Variants in TMEM116 observed in about 807,000 individuals in gnomAD.
TMEM116 encodes transmembrane protein 116.
TMEM116 carries 38 observed loss-of-function variants against 44.3 expected under a neutral mutation model. The observed-to-expected ratio is 0.86, with a 90% CI of 0.66 to 1.12. The LOEUF is 1.12. Ranked by LOEUF, TMEM116 falls within the 50% of genes most tolerant of loss-of-function variation. TMEM116 has a pLI of 0.00. For missense variants in TMEM116, 354 were observed against 401.7 expected, an observed-to-expected ratio of 0.88 and a Z score of 1.01; for synonymous variants, 132 against 144.8, an observed-to-expected ratio of 0.91 and a Z score of 0.64.
intron 4 of TMEM116, among the ~76,000 whole-genome samples, chr12:111,972,613 T>C (rs2075411751): frequency 6.6e-6 from 1 of 152,042 alleles, no homozygotes; most frequent in South Asian, 2.1e-4. Context: ...GTGTGGTGGC[T>C]CATGCCTATA....
At chr12:111,957,586 CCCCCGCCCGGCCAGCCG>C (rs1209318054) in intron 4 of TMEM116, among the ~76,000 whole-genome samples, 1 of 151,040 alleles carries the variant, frequency 6.6e-6, no homozygotes, top group Non-Finnish European at 1.5e-5. Flanking sequence ...TGGGGGCCAG[CCCCCGCCCGGCCAGCCG>C]CCCCGTCCGG....
chr12:112,003,623 T>A (rs1021221924), intron 3 of TMEM116, 177 bp downstream of exon 3: 11 of 706,732 alleles, frequency 1.6e-5, no homozygotes, highest in Admixed American at 4.2e-5. Context: ...GCTAAAATAA[T>A]TACCTAGAAG....
In TMEM116 at chr12:111,931,474, A is replaced by G. The variant is rs2071635164; in HGVS notation, c.*147T>C. 1.4e-6 allele frequency: 1 copy of G among 705,784 alleles called. No individual in the cohort carries two copies. The highest frequency in any genetic ancestry group is 2.4e-6 in the Non-Finnish European group (1 of 423,802). The allele number at this position is 705,784 out of a possible 1,614,324, so 43.7% of individuals were successfully genotyped here. A position where few individuals can be genotyped will look rare whatever the true frequency, so the allele number is the denominator to read the frequency against. On this transcript the variant is annotated 3_prime_UTR_variant, in exon 11 of 11. Transcript: ENST00000552374. ...GAGAGATACTCCCAATTCATCTAGAATGACTACTAACAATGGCACTATATT... is the reference window on the plus strand; with the variant it reads ...GAGAGATACTCCCAATTCATCTAGAGTGACTACTAACAATGGCACTATATT...
In TMEM116 at chr12:111,969,876, G is replaced by C. The variant is rs184419709; in HGVS notation, c.210+21882C>G. Among the ~76,000 whole-genome samples the C allele has an allele frequency of 3.9e-5, 6 of 152,244 alleles. No homozygotes were observed. In the East Asian group the frequency reaches 1.2e-3, roughly 29 times the overall value. On this transcript the variant is annotated intron_variant, in intron 4 of 10. Transcript: ENST00000552374. ...ATTACAGGTGTGAGCCACTGCGCCT[G>C]GCCTGAGATTTTTTTTAAATCTCTA...
chr12:111,968,283 T>G (rs2075099366), intron 4 of TMEM116, among the ~76,000 whole-genome samples: 1 of 151,294 alleles, frequency 6.6e-6, no homozygotes, highest in Admixed American at 6.6e-5. Context: ...TTCAACAAGG[T>G]ATATGGGGTA....
chr12:111,960,887 G>C (rs572356813), intron 4 of TMEM116, among the ~76,000 whole-genome samples: 12 of 152,150 alleles, frequency 7.9e-5, no homozygotes, highest in Non-Finnish European at 1.3e-4. Context: ...ATGAATCCAG[G>C]ACCTGATTTT....
chr12:111,945,860 C>T (rs1490211838), intron 4 of TMEM116, among the ~76,000 whole-genome samples: 1 of 151,996 alleles, frequency 6.6e-6, no homozygotes, highest in East Asian at 1.9e-4. Flanking sequence ...CTTTATGTAC[C>T]CATACACCCA....
chr12:111,943,982 T>G (rs1243482630), intron 4 of TMEM116, among the ~76,000 whole-genome samples: 1 of 152,210 alleles, frequency 6.6e-6, no homozygotes, highest in Non-Finnish European at 1.5e-5. Flanking sequence ...AATCTTTTTC[T>G]ATTTTATTTT....
rs144970494 is a variant in TMEM116, at chr12:111,963,764, A to G, written c.211-20395T>C. Among the ~76,000 whole-genome samples the G allele has an allele frequency of 1.0e-3, 155 of 152,296 alleles. 1 individual carries two copies. Among genetic ancestry groups the G allele is most frequent in the African/African-American group, 3.5e-3 (147 of 41,554 alleles). ...AAACCACCATGGCACATGTATACCT[A>G]TGTAACAAACCTGCACGTCCTGCAC... is the stretch of plus-strand genomic sequence containing the variant. On this transcript the variant is annotated intron_variant, in intron 4 of 10. Coordinates refer to ENST00000552374, the MANE Select transcript of TMEM116 (RefSeq NM_001193531.2).
At position 111,991,258 on chromosome 12, in the gene TMEM116, C is replaced by T. The variant is rs1593580382; in HGVS notation, c.210+500G>A. ...AAAAAAACGGCTGGGTGCGGTGGCT[C>T]ATGCCTGTAATCCTAGCACTTTGAG... On this transcript the variant is annotated intron_variant, in intron 4 of 10. Coordinates refer to ENST00000552374, the MANE Select transcript of TMEM116 (RefSeq NM_001193531.2). Among the ~76,000 whole-genome samples the T allele has an allele frequency of 2.7e-5, 4 of 146,384 alleles. No homozygotes were observed. The South Asian group carries it at 8.6e-4, about 32-fold the overall frequency.
chr12:111,977,610 A>C (rs539102881), intron 4 of TMEM116, among the ~76,000 whole-genome samples: 2 of 152,306 alleles, frequency 1.3e-5, no homozygotes, highest in South Asian at 4.1e-4. Context: ...ATTCGGATCT[A>C]CATAAAGAAA....
chr12:111,951,069 A>AT (rs1401398355), intron 4 of TMEM116, among the ~76,000 whole-genome samples: 1 of 152,268 alleles, frequency 6.6e-6, no homozygotes, highest in East Asian at 1.9e-4. Context: ...CAACAAGCAT[A>AT]TGAAAAAAAG....
chr12:111,989,242 A>T lies in TMEM116; in HGVS notation c.210+2516T>A, dbSNP rs573700659. 2.6e-5 allele frequency among the ~76,000 whole-genome samples: 4 copies of T among 152,318 alleles called. No individual in the cohort carries two copies. The South Asian group carries it at 8.3e-4, about 32-fold the overall frequency. On this transcript the variant is annotated intron_variant, in intron 4 of 10. Coordinates refer to ENST00000552374, the MANE Select transcript of TMEM116 (RefSeq NM_001193531.2). ...TTCTCTTAGTTTTGCTCAAGCATGT[A>T]CCTCAGTCATGATGCTGCTCAATGA...
chr12:111,932,730 G>T, intron 9 of TMEM116, 71 bp from the exon 10 acceptor site: 1 of 1,179,940 alleles, frequency 8.5e-7, no homozygotes, highest in Non-Finnish European at 1.3e-6. Context: ...CTCCACACAC[G>T]TCTGAGCATT....
At chr12:111,986,241 C>T (rs530932776) in intron 4 of TMEM116, among the ~76,000 whole-genome samples, 1 of 152,098 alleles carries the variant, frequency 6.6e-6, no homozygotes, top group East Asian at 1.9e-4. Context: ...CACCTGTGGT[C>T]CTAGCTACTC....
intron 3 of TMEM116, chr12:111,993,452 T>C: frequency 1.8e-6 from 1 of 562,164 alleles, no homozygotes; most frequent in South Asian, 1.4e-5. Flanking sequence ...TCCCAGAGCA[T>C]GTTATCTCTG....
In TMEM116 at chr12:111,951,815, TAA is replaced by T. The variant is rs199813443; in HGVS notation, c.211-8448_211-8447del. Among the ~76,000 whole-genome samples, 1,250 of 151,176 alleles carry T rather than the reference TAA, an allele frequency of 8.3e-3. 17 individuals are homozygous for T. The highest frequency in any genetic ancestry group is 8.1e-3 in the Non-Finnish European group (551 of 67,816). ...TGCCCATGTACCCCTGAACTTAAAATAAGAGTTAAAAAAAAAGGAAAAAAAAA... is the reference window on the plus strand; with the variant it reads ...TGCCCATGTACCCCTGAACTTAAAATGAGTTAAAAAAAAAGGAAAAAAAAA... On this transcript the variant is annotated intron_variant, in intron 4 of 10. Coordinates refer to ENST00000552374, the MANE Select transcript of TMEM116 (RefSeq NM_001193531.2).
intron 10 of TMEM116, among the ~76,000 whole-genome samples, chr12:111,932,053 G>A (rs763441828): frequency 3.3e-5 from 5 of 151,650 alleles, no homozygotes; most frequent in South Asian, 2.1e-4. Context: ...ATATACATAG[G>A]GACAATGAAA....
intron 4 of TMEM116, among the ~76,000 whole-genome samples, chr12:111,975,620 T>C (rs1257073566): frequency 6.6e-6 from 1 of 152,120 alleles, no homozygotes; most frequent in Admixed American, 6.5e-5. Context: ...TGGTTTCAGT[T>C]CCAATGAGCA....
Sources: allele counts gnomAD v4.1 joint callset (sites outside exome capture counted in the v4.1 genomes callset), GRCh38; gene constraint gnomAD v4.1.1; transcripts MANE v1.5; gene names NCBI Gene and HGNC (gene_info 2026-07-23, HGNC 2026-07-21).